The following CFAP77 variants were observed in gnomAD, a reference collection of about 807,000 sequenced individuals.
CFAP77 encodes cilia- and flagella-associated protein 77.
Under a neutral mutation model 31.1 loss-of-function variants are expected in CFAP77, and 25 were observed. The ratio of observed to expected loss-of-function variants is 0.80; its 90% CI spans 0.59 to 1.12. The LOEUF is 1.12. CFAP77 is among the 50% of genes most tolerant of loss of function. The pLI is 0.00. For synonymous variants in CFAP77, 151 were observed against 159.9 expected (o/e 0.94, Z 0.42); for missense variants, 377 against 397.3 (o/e 0.95, Z 0.44).
chr9:132,449,311 TCC>T (rs1850781551), intron 1 of CFAP77, among the ~76,000 whole-genome samples: 3 of 151,096 alleles, frequency 2.0e-5, no homozygotes, highest in African/African-American at 7.4e-5. Context: ...CACCCTCCTC[TCC>T]TACTCCTGGC....
At chr9:132,530,140 T>TTC (rs1554748251) in intron 3 of CFAP77, among the ~76,000 whole-genome samples, 2 of 146,894 alleles carry the variant, frequency 1.4e-5, no homozygotes, top group African/African-American at 5.0e-5. Flanking sequence ...TCTTTTCTTT[T>TTC]TTTTTTTTTT....
intron 3 of CFAP77, among the ~76,000 whole-genome samples, chr9:132,514,612 A>ACCGGTG (rs1300552998): frequency 1.3e-5 from 2 of 151,898 alleles, no homozygotes; most frequent in African/African-American, 4.8e-5. Flanking sequence ...TGCTGCCTGC[A>ACCGGTG]CCGGTGCCGG....
chr9:132,476,713 G>A (rs534284133), intron 1 of CFAP77, among the ~76,000 whole-genome samples: 2 of 152,290 alleles, frequency 1.3e-5, no homozygotes, highest in Admixed American at 6.5e-5. Flanking sequence ...AGAAGGCCAT[G>A]TGGAAACAGA....
intron 1 of CFAP77, among the ~76,000 whole-genome samples, chr9:132,414,351 C>T (rs1850060266): frequency 6.6e-6 from 1 of 152,178 alleles, no homozygotes; most frequent in African/African-American, 2.4e-5. Flanking sequence ...TGCTGAATTT[C>T]ACAGGAGTTA....
intron 5 of CFAP77, among the ~76,000 whole-genome samples, chr9:132,562,420 A>G (rs149700044): frequency 2.0e-5 from 3 of 152,318 alleles, no homozygotes; most frequent in African/African-American, 7.2e-5. Flanking sequence ...TTTCTGTCTA[A>G]GCAGATTCAC....
intron 5 of CFAP77, among the ~76,000 whole-genome samples, chr9:132,549,880 T>C (rs1262269412): frequency 6.6e-6 from 1 of 152,104 alleles, no homozygotes; most frequent in Non-Finnish European, 1.5e-5. Flanking sequence ...TAATTGGTTT[T>C]ACATAATCTG....
chr9:132,454,331 T>C (rs1850877906), intron 1 of CFAP77, among the ~76,000 whole-genome samples: 1 of 152,218 alleles, frequency 6.6e-6, no homozygotes, highest in South Asian at 2.1e-4. Context: ...TAGCTTGTCA[T>C]CCCAGGAAAC....
chr9:132,493,094 A>G (rs1321276101), intron 1 of CFAP77, among the ~76,000 whole-genome samples: 1 of 152,024 alleles, frequency 6.6e-6, no homozygotes, highest in Non-Finnish European at 1.5e-5. Context: ...AGGCCCAGGA[A>G]CCCCTGGGGT....
Position 132,497,976 on chromosome 9 carries a change from C to T in CFAP77, c.196-719C>T, listed in dbSNP as rs980876461. Reference sequence around the variant, plus strand: ...CGATGCCCTGCCCAGCGCTTGGGGGCCGGGGATATCGACCCTGCCTCTCTA... The same window carrying T: ...CGATGCCCTGCCCAGCGCTTGGGGGTCGGGGATATCGACCCTGCCTCTCTA... On this transcript the variant is annotated intron_variant, in intron 1 of 5. Coordinates refer to ENST00000393216, the MANE Select transcript of CFAP77 (RefSeq NM_001282957.2). This position sits in a 1 kb window ranked among gnomAD's most constrained non-coding sequence, Gnocchi z 4.9. 2.0e-5 allele frequency among the ~76,000 whole-genome samples: 3 copies of T among 152,054 alleles called. No individual in the cohort carries two copies. Among genetic ancestry groups the T allele is most frequent in the Admixed American group, 6.5e-5 (1 of 15,278 alleles).
At chr9:132,452,181 G>GCTGTCTGCATT (rs1850839966) in intron 1 of CFAP77, among the ~76,000 whole-genome samples, 1 of 152,180 alleles carries the variant, frequency 6.6e-6, no homozygotes, top group African/African-American at 2.4e-5. Context: ...CTGTCTGCAG[G>GCTGTCTGCATT]GTGGGTCACA....
Position 132,498,558 on chromosome 9 carries a change from C to A in CFAP77, c.196-137C>A. ...TCCTCCCAGGGAGGGCTCTGCCACC[C>A]ACTCCTGTGCCACCCTGAAGGCCAC... On this transcript the variant is annotated intron_variant, in intron 1 of 5. Transcript: ENST00000393216. This position sits in a 1 kb window ranked among gnomAD's most constrained non-coding sequence, Gnocchi z 4.2. 1.5e-6 allele frequency: 1 copy of A among 650,558 alleles called. No individual in the cohort carries two copies. The highest frequency in any genetic ancestry group is 2.7e-6 in the Non-Finnish European group (1 of 366,716). 40.3% of individuals were successfully genotyped at this position (650,558 alleles called of 1,614,324 possible).
Position 132,481,966 on chromosome 9 carries a change from G to C in CFAP77, c.196-16729G>C, listed in dbSNP as rs35920156. On this transcript the variant is annotated intron_variant, in intron 1 of 5. Transcript: ENST00000393216. This position sits in a 1 kb window ranked among gnomAD's most constrained non-coding sequence, Gnocchi z 5.0. The stretch of plus-strand genomic sequence containing the variant: ...GGAACAAGGGTTTATGGTTGGGGGG[G>C]GGGGGGGCGGCGGAACACTGAACAT... 4.8e-4 allele frequency among the ~76,000 whole-genome samples: 72 copies of C among 151,410 alleles called. 1 individual carries two copies. The highest frequency in any genetic ancestry group is 1.9e-3 in the South Asian group (9 of 4,692).
chr9:132,410,708 A>G (rs1390725921), intron 1 of CFAP77, among the ~76,000 whole-genome samples: 1 of 152,208 alleles, frequency 6.6e-6, no homozygotes, highest in Non-Finnish European at 1.5e-5. Context: ...GATTGGGAAG[A>G]TTGAATAGGG....
chr9:132,461,298 G>A (rs1822361750), intron 1 of CFAP77, among the ~76,000 whole-genome samples: 1 of 152,362 alleles, frequency 6.6e-6, no homozygotes, highest in African/African-American at 2.4e-5. Context: ...ATTGGACGAG[G>A]TGTGTGGCCA....
chr9:132,447,593 C>T (rs111887887), intron 1 of CFAP77, among the ~76,000 whole-genome samples: 3 of 152,180 alleles, frequency 2.0e-5, no homozygotes, highest in Non-Finnish European at 2.9e-5. Flanking sequence ...TGGCTGCGGT[C>T]GGTCCGCGTA....
chr9:132,519,641 C>T (rs140306272), intron 3 of CFAP77, among the ~76,000 whole-genome samples: 4 of 28,590 alleles, frequency 1.4e-4, no homozygotes, highest in African/African-American at 3.2e-4. Context: ...GGTGGATGGG[C>T]AGATGGATGG....
chr9:132,454,221 A>G (rs1564209441), intron 1 of CFAP77, among the ~76,000 whole-genome samples: 1 of 152,012 alleles, frequency 6.6e-6, no homozygotes, highest in Non-Finnish European at 1.5e-5. Context: ...TAGCTTCTTT[A>G]TGGGAAAGAG....
chr9:132,498,642 A>T lies in CFAP77; in HGVS notation c.196-53A>T. 7.3e-7 allele frequency: 1 copy of T among 1,366,428 alleles called. No individual in the cohort carries two copies. The highest frequency in any genetic ancestry group is 1.0e-6 in the Non-Finnish European group (1 of 970,690). 84.6% of individuals were successfully genotyped at this position (1,366,428 alleles called of 1,614,324 possible). A position where few individuals can be genotyped will look rare whatever the true frequency, so the allele number is the denominator to read the frequency against. ...CCTCCCTGCTGCCGGATTACAATAC[A>T]TTTGGTCTGAGACTCCACTCCTCAC... On this transcript the variant is annotated intron_variant, in intron 1 of 5. Coordinates refer to ENST00000393216, the MANE Select transcript of CFAP77 (RefSeq NM_001282957.2). This position sits in a 1 kb window ranked among gnomAD's most constrained non-coding sequence, Gnocchi z 4.2.
chr9:132,441,088 G>A (rs1850608070), intron 1 of CFAP77, among the ~76,000 whole-genome samples: 1 of 151,956 alleles, frequency 6.6e-6, no homozygotes, highest in Non-Finnish European at 1.5e-5. Context: ...CCTCCTCTCT[G>A]CATCCTAAAC....
Sources: gnomAD v4.1 joint callset for allele counts (sites outside exome capture counted in the v4.1 genomes callset) on GRCh38, gnomAD v4.1.1 for gene constraint, Gnocchi (gnomAD v3.1) non-coding constraint, MANE v1.5 for transcripts, NCBI Gene and HGNC (gene_info 2026-07-23, HGNC 2026-07-21) for gene names.